Variants in SULT1C3 observed in about 807,000 individuals in gnomAD.
SULT1C3 encodes sulfotransferase 1C3.
A neutral mutation model predicts 28.4 loss-of-function variants in SULT1C3; 31 were observed. The ratio of observed to expected loss-of-function variants is 1.09; its 90% CI spans 0.82 to 1.47. SULT1C3 has a LOEUF of 1.47. Among genes scored for constraint, SULT1C3 ranks in the 40% most tolerant of loss-of-function variants. The pLI is 0.00. For synonymous variants in SULT1C3, 106 were observed against 92.2 expected (o/e 1.15, Z -0.86); for missense variants, 307 against 272.5 (o/e 1.13, Z -0.89).
At chr2:108,245,486 G>T (rs1200351121) in intron 1 of SULT1C3, among the ~76,000 whole-genome samples, 1 of 152,154 alleles carries the variant, frequency 6.6e-6, no homozygotes, top group Non-Finnish European at 1.5e-5. Flanking sequence ...ATTAAGCACT[G>T]TCTGAATAGG....
At chr2:108,265,339 C>T, downstream of SULT1C3, 1 of 1,613,284 alleles carries the variant, frequency 6.2e-7, no homozygotes, top group Non-Finnish European at 8.5e-7. Context: ...TAACCTTCCG[C>T]ACAGAGATCT....
In SULT1C3 at chr2:108,254,096, C is replaced by T. The variant is rs555832220; in HGVS notation, c.399+654C>T. Among the ~76,000 whole-genome samples the T allele has an allele frequency of 2.0e-5, 3 of 152,114 alleles. No individual in the cohort carries two copies. The South Asian group carries it at 6.2e-4, about 32-fold the overall frequency. On this transcript the variant is annotated intron_variant, in intron 4 of 7. Transcript: ENST00000681802. ...CCTGTAACCTCTACTCTTCCTAAAA[C>T]ACAATCTGACTGAGGTATTTCCCCA...
rs1477606303 is a variant in SULT1C3 at position 108,255,579 on chromosome 2, A to T, written c.407A>T (p.Tyr136Phe). The T allele has an allele frequency of 1.9e-6, 3 of 1,611,152 alleles. No individual in the cohort carries two copies. The highest frequency in any genetic ancestry group is 2.5e-6 in the Non-Finnish European group (3 of 1,178,218). Residue 136 changes from tyrosine (Y) to phenylalanine (F), a missense_variant, in exon 5 of 8, where the codon TAT (tyrosine) becomes TTT (phenylalanine). By Grantham distance (22) the Tyr-to-Phe change is conservative. Coordinates refer to ENST00000681802, the MANE Select transcript of SULT1C3 (RefSeq NM_001320878.2). ...CCCTCTCCTTGATTTCAGATTGTCT[A>T]TGTGGCCAGAAATCCCAAGGATTGC... ...SIWKENCKIV[Y>F]VARNPKDCLV...
At chr2:108,265,328 C>A (rs935734228), downstream of SULT1C3, 9 of 1,613,594 alleles carry the variant, frequency 5.6e-6, no homozygotes, top group African/African-American at 6.7e-5. Flanking sequence ...AGGAAGCACC[C>A]TAACCTTCCG....
intron 1 of SULT1C3, among the ~76,000 whole-genome samples, chr2:108,242,435 T>C (rs1675482312): frequency 6.6e-6 from 1 of 152,166 alleles, no homozygotes; most frequent in Non-Finnish European, 1.5e-5. Flanking sequence ...TTTTAGTGCC[T>C]AATAAGCAGA....
chr2:108,265,303 C>T, downstream of SULT1C3: 1 of 1,613,910 alleles, frequency 6.2e-7, no homozygotes, highest in South Asian at 1.1e-5. Context: ...ACAAGGACTA[C>T]CAGAAGAAGA....
intron 1 of SULT1C3, among the ~76,000 whole-genome samples, chr2:108,240,417 T>G (rs1339765549): frequency 1.3e-5 from 2 of 152,226 alleles, no homozygotes; most frequent in East Asian, 3.8e-4. Flanking sequence ...GTAGAGTGAA[T>G]ATAGCAATTC....
rs191990502 is a variant in SULT1C3 at position 108,253,553 on chromosome 2, T to G, written c.399+111T>G. ...GAAAAATATTTTCCAAAATATAATT[T>G]GCTATTTTTCTTAGATGAAGCACTT... is the stretch of plus-strand genomic sequence containing the variant. On this transcript the variant is annotated intron_variant, in intron 4 of 7. Coordinates refer to ENST00000681802, the MANE Select transcript of SULT1C3 (RefSeq NM_001320878.2). The G allele has an allele frequency of 8.9e-5, 50 of 561,424 alleles. 1 individual carries two copies. In the Admixed American group the frequency reaches 2.0e-3, roughly 22 times the overall value. The allele number at this position is 561,424 out of a possible 1,614,324, so 34.8% of individuals were successfully genotyped here. A position where few individuals can be genotyped will look rare whatever the true frequency, so the allele number is the denominator to read the frequency against.
At chr2:108,258,475 G>A (rs1001899288) in intron 5 of SULT1C3, among the ~76,000 whole-genome samples, 5 of 152,044 alleles carry the variant, frequency 3.3e-5, no homozygotes, top group Non-Finnish European at 5.9e-5. Context: ...CAGGAACAGG[G>A]GAAGAATTTT....
At chr2:108,259,260 A>G (rs774431837) in intron 7 of SULT1C3, 114 bp downstream of exon 7, 37 of 236,138 alleles carry the variant, frequency 1.6e-4, no homozygotes, top group Non-Finnish European at 3.0e-4. Context: ...TTAAATTTTG[A>G]ATCTCTGCTC....
rs139692696 is a variant in SULT1C3, at chr2:108,245,692, G to A, written c.-7-1496G>A. On this transcript the variant is annotated intron_variant, in intron 1 of 7. Transcript: ENST00000681802. ...AACCATTTTTTCCTCCCAGGCTTCC[G>A]GGCCTGTGATAGGAGAGGCTGCCAT... Among the ~76,000 whole-genome samples, 666 of 152,182 alleles carry A rather than the reference G, an allele frequency of 4.4e-3. 6 individuals carry two copies. The highest frequency in any genetic ancestry group is 0.015 in the African/African-American group (620 of 41,526).
rs181245580 is a variant in SULT1C3, at chr2:108,254,263, G to C, written c.399+821G>C. 2.0e-4 allele frequency among the ~76,000 whole-genome samples: 30 copies of C among 151,958 alleles called. No homozygotes were observed. In the East Asian group the frequency reaches 4.9e-3, roughly 25 times the overall value. ...CTCACTACAGTCCTCCTGAAATCCT[G>C]CAGGTCCTTTCACACATGGAGCATC... On this transcript the variant is annotated intron_variant, in intron 4 of 7. Transcript: ENST00000681802.
chr2:108,253,196 GC>G (rs1430702731), intron 3 of SULT1C3, 148 bp from the exon 4 acceptor site: 2 of 419,442 alleles, frequency 4.8e-6, no homozygotes, highest in South Asian at 1.1e-4. Flanking sequence ...AGGATTGGAT[GC>G]TTTGTATGTC....
intron 2 of SULT1C3, among the ~76,000 whole-genome samples, chr2:108,248,506 T>G (rs1675647893): frequency 6.6e-6 from 1 of 152,076 alleles, no homozygotes. Flanking sequence ...GAGGTTGAAG[T>G]GGCTGCTATT....
At chr2:108,248,249 T>C (rs1675635763) in intron 2 of SULT1C3, among the ~76,000 whole-genome samples, 1 of 152,074 alleles carries the variant, frequency 6.6e-6, no homozygotes, top group African/African-American at 2.4e-5. Context: ...CACTAACTGA[T>C]TGGGAGAACA....
chr2:108,255,431 T>G, intron 4 of SULT1C3, 141 bp from the exon 5 acceptor site: 2 of 1,018,048 alleles, frequency 2.0e-6, no homozygotes, highest in Non-Finnish European at 2.8e-6. Context: ...CTCCATTTAT[T>G]TAATGTTTTA....
At chr2:108,240,271 G>A (rs567544658) in intron 1 of SULT1C3, among the ~76,000 whole-genome samples, 188 bp downstream of exon 1, 2 of 152,320 alleles carry the variant, frequency 1.3e-5, no homozygotes, top group Admixed American at 6.5e-5. Flanking sequence ...AGATGGTATT[G>A]GGTCCTGAGG....
chr2:108,246,239 G>T (rs1196817385), intron 1 of SULT1C3, among the ~76,000 whole-genome samples: 1 of 152,090 alleles, frequency 6.6e-6, no homozygotes, highest in African/African-American at 2.4e-5. Flanking sequence ...ATCTCTGCCT[G>T]TTACCCAGTT....
intron 4 of SULT1C3, among the ~76,000 whole-genome samples, chr2:108,254,620 T>C (rs1675814963): frequency 6.6e-6 from 1 of 151,796 alleles, no homozygotes; most frequent in African/African-American, 2.4e-5. Context: ...TCTGCATTTG[T>C]TGACTGAATG....
Sources: allele counts gnomAD v4.1 joint callset (sites outside exome capture counted in the v4.1 genomes callset), GRCh38; gene constraint gnomAD v4.1.1; transcripts MANE v1.5; gene names NCBI Gene and HGNC (gene_info 2026-07-23, HGNC 2026-07-21).